Variants in ZNF804B observed in about 807,000 individuals in gnomAD.
The protein encoded by ZNF804B is zinc finger 804B.
Under a neutral mutation model 101.4 loss-of-function variants are expected in ZNF804B, and 80 were observed. The observed-to-expected ratio is 0.79, with a 90% CI of 0.66 to 0.95. The LOEUF (loss-of-function observed/expected upper bound fraction) is 0.95. Among genes scored for constraint, ZNF804B ranks in the 40% least tolerant of loss-of-function variants. The pLI is 0.00. For missense variants in ZNF804B, 1,673 were observed against 1,561.9 expected (o/e 1.07, Z -1.20); for synonymous variants, 622 against 558.8 (o/e 1.11, Z -1.59).
rs561487663 is a variant in ZNF804B at position 89,049,176 on chromosome 7, G to A, written c.109-168979G>A. ...GCTGAGACTCCTTGACTTACCATAT[G>A]TACAATGAAAATGTTGAATCAGCTT... is the stretch of plus-strand genomic sequence containing the variant. On this transcript the variant is annotated intron_variant, in intron 1 of 3. Transcript: ENST00000333190. Among the ~76,000 whole-genome samples, 31 of 152,226 alleles carry A rather than the reference G, an allele frequency of 2.0e-4. No homozygotes were observed. In the East Asian group the frequency reaches 5.0e-3, roughly 25 times the overall value.
chr7:89,145,679 C>CA lies in ZNF804B; in HGVS notation c.109-72475dup. On this transcript the variant is annotated intron_variant, in intron 1 of 3. Coordinates refer to ENST00000333190, the MANE Select transcript of ZNF804B (RefSeq NM_181646.5). ...TACATTCATTGACTAATTCCACAAA[C>CA]ATATACTTATTTCCCACTCTGGACC... Among the ~76,000 whole-genome samples, 2 of 152,102 alleles carry CA rather than the reference C, an allele frequency of 1.3e-5. 1 individual carries two copies. Among genetic ancestry groups the CA allele is most frequent in the South Asian group, 4.1e-4 (2 of 4,826 alleles).
At chr7:88,799,525 C>T (rs4727184) in intron 1 of ZNF804B, among the ~76,000 whole-genome samples, 41,786 of 151,718 alleles carry the variant, frequency 0.28, 6,189 homozygotes, top group East Asian at 0.4. Context: ...CCTCTGGAAC[C>T]AAAGGATACC....
chr7:89,225,186 A>G (rs911422962), intron 2 of ZNF804B, among the ~76,000 whole-genome samples: 5 of 152,022 alleles, frequency 3.3e-5, no homozygotes, highest in Admixed American at 6.6e-5. Flanking sequence ...TGCCACTATC[A>G]GTGGGGGTGT....
chr7:89,094,118 A>G (rs1789935814), intron 1 of ZNF804B, among the ~76,000 whole-genome samples: 1 of 152,228 alleles, frequency 6.6e-6, no homozygotes, highest in South Asian at 2.1e-4. Context: ...AAAAATGAAG[A>G]TGCGGCTAAT....
intron 1 of ZNF804B, among the ~76,000 whole-genome samples, chr7:89,077,170 G>A (rs376313975): frequency 2.7e-4 from 41 of 152,106 alleles, no homozygotes; most frequent in Middle Eastern, 6.8e-3. Flanking sequence ...CTTAACTGCT[G>A]TAGGGCAGGT....
chr7:89,100,079 G>C (rs143074198), intron 1 of ZNF804B, among the ~76,000 whole-genome samples: 22 of 152,260 alleles, frequency 1.4e-4, no homozygotes, highest in African/African-American at 5.3e-4. Flanking sequence ...TTTATTGACA[G>C]TTTTTCCCTT....
At chr7:89,149,030 T>G (rs985717554) in intron 1 of ZNF804B, among the ~76,000 whole-genome samples, 1 of 152,074 alleles carries the variant, frequency 6.6e-6, no homozygotes, top group African/African-American at 2.4e-5. Flanking sequence ...TTTTTGCTTT[T>G]GGCTCCTTAT....
chr7:89,043,257 G>C (rs1789046710), intron 1 of ZNF804B, among the ~76,000 whole-genome samples: 1 of 152,100 alleles, frequency 6.6e-6, no homozygotes. Flanking sequence ...ATAAGATGAG[G>C]GTCAGTTTGA....
intron 1 of ZNF804B, among the ~76,000 whole-genome samples, chr7:89,212,423 A>C (rs531697472): frequency 6.6e-6 from 1 of 152,260 alleles, no homozygotes; most frequent in African/African-American, 2.4e-5. Flanking sequence ...AAGTTTGATA[A>C]CATGTATACC....
chr7:88,760,115 C>A (rs201307920), intron 1 of ZNF804B, 31 bp downstream of exon 1: 13 of 1,555,842 alleles, frequency 8.4e-6, no homozygotes, highest in Non-Finnish European at 1.2e-5. Context: ...CATACATACA[C>A]AAACGTTCCA....
intron 1 of ZNF804B, among the ~76,000 whole-genome samples, chr7:88,876,986 C>A (rs1791948513): frequency 1.2e-5 from 1 of 85,560 alleles, no homozygotes; most frequent in Non-Finnish European, 2.1e-5. Context: ...GGAAATTATA[C>A]AGAGAATATT....
At chr7:89,188,185 A>T (rs777192164) in intron 1 of ZNF804B, among the ~76,000 whole-genome samples, 1 of 152,044 alleles carries the variant, frequency 6.6e-6, no homozygotes, top group Non-Finnish European at 1.5e-5. Flanking sequence ...ACACTTCGGT[A>T]ATTCTTACAA....
intron 1 of ZNF804B, among the ~76,000 whole-genome samples, chr7:88,924,820 T>G (rs1023386839): frequency 6.6e-6 from 1 of 152,118 alleles, no homozygotes; most frequent in African/African-American, 2.4e-5. Flanking sequence ...CAGGAGTGTC[T>G]ATTTTGTTTA....
chr7:89,180,043 G>A (rs1004214736), intron 1 of ZNF804B, among the ~76,000 whole-genome samples: 1 of 152,078 alleles, frequency 6.6e-6, no homozygotes, highest in East Asian at 1.9e-4. Context: ...GGAGTTTGGG[G>A]AGGAGTGAAA....
At chr7:89,165,878 C>A (rs529350535) in intron 1 of ZNF804B, among the ~76,000 whole-genome samples, 16 of 152,202 alleles carry the variant, frequency 1.1e-4, no homozygotes, top group Admixed American at 2.6e-4. Flanking sequence ...AGAATCACTG[C>A]ATCTCAATGT....
rs561816291 is a variant in ZNF804B at position 88,913,466 on chromosome 7, C to T, written c.108+153382C>T. On this transcript the variant is annotated intron_variant, in intron 1 of 3. Transcript: ENST00000333190. The stretch of plus-strand genomic sequence containing the variant: ...CTGGAGTGCAGTGGTGCAATCTTGG[C>T]TTACTGCAACCTCTGCCTCCTGGGT... Among the ~76,000 whole-genome samples the T allele has an allele frequency of 7.9e-5, 12 of 152,140 alleles. No homozygotes were observed. In the South Asian group the frequency reaches 2.1e-3, roughly 26 times the overall value.
chr7:88,979,906 T>C (rs983210328), intron 1 of ZNF804B, among the ~76,000 whole-genome samples: 1 of 147,866 alleles, frequency 6.8e-6, no homozygotes, highest in Non-Finnish European at 1.5e-5. Context: ...ATTCTTTTCT[T>C]TTTTTTTTCT....
intron 2 of ZNF804B, among the ~76,000 whole-genome samples, chr7:89,220,581 A>G (rs543805745): frequency 6.6e-6 from 1 of 152,064 alleles, no homozygotes; most frequent in South Asian, 2.1e-4. Flanking sequence ...TTTTGAAGCA[A>G]GTGCCAGATG....
intron 1 of ZNF804B, among the ~76,000 whole-genome samples, chr7:89,056,060 G>A (rs923988637): frequency 5.3e-5 from 8 of 152,080 alleles, no homozygotes; most frequent in Non-Finnish European, 8.8e-5. Flanking sequence ...CCTGTAATTG[G>A]AAGTGGAGAT....
Sources: allele counts gnomAD v4.1 joint callset (sites outside exome capture counted in the v4.1 genomes callset), GRCh38; gene constraint gnomAD v4.1.1; transcripts MANE v1.5; gene names NCBI Gene and HGNC (gene_info 2026-07-23, HGNC 2026-07-21).